The following UPF2 variants were observed in gnomAD, a reference collection of about 807,000 sequenced individuals.
The protein encoded by UPF2 is UPF2 regulator of nonsense mediated mRNA decay.
In UPF2, 17 loss-of-function variants were observed where a neutral mutation model predicts 141.4. That is an observed-to-expected ratio of 0.12 (90% CI 0.08 to 0.18). The LOEUF is 0.18. Among genes scored for constraint, UPF2 ranks in the 10% least tolerant of loss-of-function variants. UPF2 has a pLI of 1.00. For missense variants in UPF2, 1,152 were observed against 1,515.9 expected, an observed-to-expected ratio of 0.76 and a Z score of 3.99; for synonymous variants, 540 against 498.0, an observed-to-expected ratio of 1.08 and a Z score of -1.12.
chr10:11,967,748 T>C (rs1833346115), intron 9 of UPF2, among the ~76,000 whole-genome samples: 1 of 150,504 alleles, frequency 6.6e-6, no homozygotes, highest in African/African-American at 2.4e-5. Flanking sequence ...AGAGAAGGGG[T>C]TTCATCATGT....
rs567783780 is a variant in UPF2, at chr10:11,940,410, G to T, written c.3378+2255C>A. The stretch of plus-strand genomic sequence containing the variant: ...ACACCGGGGATGAATCATTTGTTCC[G>T]ATGCTTTCAATATACTCTACCCATC... On this transcript the variant is annotated intron_variant, in intron 18 of 21. Coordinates refer to ENST00000357604, the MANE Select transcript of UPF2 (RefSeq NM_015542.4). This position sits in a 1 kb window ranked among gnomAD's most constrained non-coding sequence, Gnocchi z 4.2. 2.6e-5 allele frequency among the ~76,000 whole-genome samples: 4 copies of T among 152,052 alleles called. No individual in the cohort carries two copies. The highest frequency in any genetic ancestry group is 9.7e-5 in the African/African-American group (4 of 41,386).
Position 12,037,302 on chromosome 10 carries a change from G to C in UPF2, c.-18-1861C>G, listed in dbSNP as rs1251296892. ...TCCCCATGTTGACTAGGCTGGTCTC[G>C]AAATCCTGAGTTTAAGTGATCCATC... On this transcript the variant is annotated intron_variant, in intron 1 of 21. Transcript: ENST00000357604. Among the ~76,000 whole-genome samples the C allele has an allele frequency of 2.0e-5, 3 of 151,992 alleles. No homozygotes were observed. The East Asian group carries it at 5.8e-4, about 29-fold the overall frequency.
chr10:12,025,262 C>T (rs1031394752), intron 3 of UPF2, among the ~76,000 whole-genome samples: 1 of 152,002 alleles, frequency 6.6e-6, no homozygotes, highest in Non-Finnish European at 1.5e-5. Flanking sequence ...CATAAAAAGG[C>T]TATGATGGCC....
intron 9 of UPF2, among the ~76,000 whole-genome samples, chr10:11,968,186 A>G (rs1016549971): frequency 6.6e-6 from 1 of 150,952 alleles, no homozygotes; most frequent in African/African-American, 2.4e-5. Flanking sequence ...TCTCAAAAGA[A>G]AAAAAAAATT....
chr10:11,956,479 C>T lies in UPF2; in HGVS notation c.2415G>A (p.Val805=). ...TCATACAACAAATAACATAGTCTTT[C>T]ACTTCTTGGTCCTGCCAGGGCAGCT... is the stretch of plus-strand genomic sequence containing the variant. The part of the protein sequence containing the change: ...MRKLPWQDQE[V]KDYVICCMIN... Residue 805 remains valine (V), a synonymous_variant, in exon 13 of 22, where the codon GTG becomes GTA. Transcript: ENST00000357604. The surrounding 1 kb of genome is among the most constrained non-coding windows in gnomAD (Gnocchi z 4.2). 9 of 1,613,986 alleles carry T rather than the reference C, an allele frequency of 5.6e-6. No individual in the cohort carries two copies. Among genetic ancestry groups the T allele is most frequent in the Non-Finnish European group, 7.6e-6 (9 of 1,179,908 alleles).
Position 11,936,758 on chromosome 10 carries a change from C to A in UPF2, c.3379-46G>T. On this transcript the variant is annotated intron_variant, in intron 18 of 21. Transcript: ENST00000357604. The surrounding 1 kb of genome is among the most constrained non-coding windows in gnomAD (Gnocchi z 6.6). ...CATAATAAACACTCCAAGATATATA[C>A]GGATATATGTCAATATAAATTGCAA... is the stretch of plus-strand genomic sequence containing the variant. The A allele has an allele frequency of 6.6e-7, 1 of 1,513,536 alleles. No individual in the cohort carries two copies. The highest frequency in any genetic ancestry group is 1.3e-5 in the South Asian group (1 of 74,784). The allele number at this position is 1,513,536 out of a possible 1,614,324, so 93.8% of individuals were successfully genotyped here. A position where few individuals can be genotyped will look rare whatever the true frequency, so the allele number is the denominator to read the frequency against.
intron 2 of UPF2, among the ~76,000 whole-genome samples, chr10:12,031,469 G>T (rs1834523263): frequency 6.6e-6 from 1 of 152,114 alleles, no homozygotes; most frequent in Non-Finnish European, 1.5e-5. Flanking sequence ...CACGAGTGAG[G>T]GGCAACAATC....
intron 2 of UPF2, among the ~76,000 whole-genome samples, chr10:12,033,135 A>G (rs1220944945): frequency 1.3e-5 from 2 of 152,030 alleles, no homozygotes; most frequent in Non-Finnish European, 2.9e-5. Context: ...CACGCAAAGT[A>G]GTGTACATCT....
At chr10:11,942,436 C>G (rs1832948236) in intron 18 of UPF2, among the ~76,000 whole-genome samples, 1 of 152,128 alleles carries the variant, frequency 6.6e-6, no homozygotes, top group Non-Finnish European at 1.5e-5. Context: ...TGAAATTATT[C>G]TGTTCCAAAT....
intron 1 of UPF2, among the ~76,000 whole-genome samples, chr10:12,039,942 A>C (rs1253760817): frequency 6.6e-6 from 1 of 152,138 alleles, no homozygotes; most frequent in Non-Finnish European, 1.5e-5. Context: ...TCTGAAGATA[A>C]AATAACATCT....
In UPF2 at chr10:11,927,573, CCTAG is replaced by C. The variant is rs748111935; in HGVS notation, c.3809+2288_3809+2291del. 6.6e-5 allele frequency among the ~76,000 whole-genome samples: 10 copies of C among 152,228 alleles called. No individual in the cohort carries two copies. The South Asian group carries it at 2.1e-3, about 32-fold the overall frequency. ...ATGAACATTTTTCATTGCCTGTTAA[CCTAG>C]CTAGTGTCCACATTTTAGCAGCAAT... On this transcript the variant is annotated intron_variant, in intron 21 of 21. Coordinates refer to ENST00000357604, the MANE Select transcript of UPF2 (RefSeq NM_015542.4).
At chr10:11,923,815 G>GT (rs1832677776) in intron 21 of UPF2, among the ~76,000 whole-genome samples, 1 of 152,074 alleles carries the variant, frequency 6.6e-6, no homozygotes, top group Admixed American at 6.6e-5. Flanking sequence ...CTCCAGCCTG[G>GT]GCAACAGAAC....
chr10:12,026,713 C>T lies in UPF2; in HGVS notation c.1145+2032G>A, dbSNP rs746820462. 18 of 438,652 alleles carry T rather than the reference C, an allele frequency of 4.1e-5. No homozygotes were observed. In the East Asian group the frequency reaches 1.3e-3, roughly 31 times the overall value. The allele number at this position is 438,652 out of a possible 1,614,324, so 27.2% of individuals were successfully genotyped here. ...TCCTCCAGGCTGGAGTGCAATGGCACAATCTCGGCTCACTGCAACCTCCAC... is the reference window on the plus strand; with the variant it reads ...TCCTCCAGGCTGGAGTGCAATGGCATAATCTCGGCTCACTGCAACCTCCAC... On this transcript the variant is annotated intron_variant, in intron 3 of 21. Transcript: ENST00000357604.
rs111480494 is a variant in UPF2, at chr10:12,013,124, CAA to C, written c.1306+898_1306+899del. Among the ~76,000 whole-genome samples, 959 of 97,290 alleles carry C rather than the reference CAA, an allele frequency of 9.9e-3. 3 individuals are homozygous for C. The highest frequency in any genetic ancestry group is 0.079 in the Middle Eastern group (11 of 140). 63.8% of individuals were successfully genotyped at this position (97,290 alleles called of 152,430 possible). On this transcript the variant is annotated intron_variant, in intron 4 of 21. Coordinates refer to ENST00000357604, the MANE Select transcript of UPF2 (RefSeq NM_015542.4). ...TGAGCGACAGAGCAAGACTCTGTCT[CAA>C]AAAAAAAAAAGTGTAAGAATTATGT...
chr10:11,978,178 T>G (rs1278151311), intron 9 of UPF2, among the ~76,000 whole-genome samples: 1 of 152,228 alleles, frequency 6.6e-6, no homozygotes, highest in Non-Finnish European at 1.5e-5. Flanking sequence ...TTGTGTCTGT[T>G]CTTGCGAGAG....
At chr10:12,025,750 T>G (rs964178187) in intron 3 of UPF2, among the ~76,000 whole-genome samples, 3 of 152,150 alleles carry the variant, frequency 2.0e-5, no homozygotes, top group Non-Finnish European at 2.9e-5. Context: ...AATAATAAAA[T>G]AGAAGAGCTG....
intron 9 of UPF2, among the ~76,000 whole-genome samples, chr10:11,973,897 A>G (rs911899126): frequency 1.2e-4 from 18 of 152,174 alleles, no homozygotes; most frequent in Non-Finnish European, 4.4e-5. Flanking sequence ...TGAACTTTCA[A>G]GTAGTTTTTT....
intron 21 of UPF2, among the ~76,000 whole-genome samples, chr10:11,924,186 G>A (rs1267387961): frequency 6.6e-6 from 1 of 152,182 alleles, no homozygotes; most frequent in Non-Finnish European, 1.5e-5. Flanking sequence ...TTGTTAAAGG[G>A]CTGAAATTTT....
intron 3 of UPF2, among the ~76,000 whole-genome samples, chr10:12,021,680 T>C (rs180783361): frequency 5.8e-4 from 88 of 152,280 alleles, no homozygotes; most frequent in Middle Eastern, 3.4e-3. Flanking sequence ...TTGACAAACA[T>C]ACAGAACATT....
Sources: allele counts gnomAD v4.1 joint callset (sites outside exome capture counted in the v4.1 genomes callset), GRCh38; gene constraint gnomAD v4.1.1; non-coding constraint Gnocchi (gnomAD v3.1); transcripts MANE v1.5; gene names NCBI Gene and HGNC (gene_info 2026-07-23, HGNC 2026-07-21).